HPSE2: variants seen among roughly 807,000 people sequenced by gnomAD.
HPSE2 encodes inactive heparanase-2.
HPSE2 carries 38 observed loss-of-function variants against 60.5 expected under a neutral mutation model. That is an observed-to-expected ratio of 0.63 (90% confidence interval 0.48 to 0.82). The LOEUF (loss-of-function observed/expected upper bound fraction) is 0.82, where lower values mean the gene tolerates loss of function less well. HPSE2 is among the 40% of genes least tolerant of loss of function. The pLI, the probability that HPSE2 is intolerant of heterozygous loss-of-function variation, is 0.00. For missense variants in HPSE2, 713 were observed against 740.4 expected, an observed-to-expected ratio of 0.96 and a Z score of 0.43; for synonymous variants, 295 against 293.2, an observed-to-expected ratio of 1.01 and a Z score of -0.06.
At chr10:98,683,785 C>T (rs1947844340) in intron 6 of HPSE2, among the ~76,000 whole-genome samples, 1 of 151,754 alleles carries the variant, frequency 6.6e-6, no homozygotes. Flanking sequence ...TGAAAATTTC[C>T]CTAAACTGAA....
At chr10:98,569,564 TTC>T (rs201763047) in intron 9 of HPSE2, among the ~76,000 whole-genome samples, 1,621 of 152,084 alleles carry the variant, frequency 0.011, 13 homozygotes, top group Non-Finnish European at 0.016. Context: ...CTCATTCTCA[TTC>T]TCTCTCCTCC....
intron 3 of HPSE2, among the ~76,000 whole-genome samples, chr10:98,999,164 T>C (rs1956718672): frequency 1.3e-5 from 2 of 150,408 alleles, no homozygotes; most frequent in South Asian, 2.1e-4. Flanking sequence ...TACGTGTGTG[T>C]GTGTGTGTGT....
In HPSE2 at chr10:98,687,709, T is replaced by C. The variant is rs565890685; in HGVS notation, c.1004+6191A>G. Among the ~76,000 whole-genome samples the C allele has an allele frequency of 2.1e-4, 32 of 152,318 alleles. No homozygotes were observed. In the South Asian group the frequency reaches 6.6e-3, roughly 32 times the overall value. Reference sequence around the variant, plus strand: ...CCTTGTATTGCTATGAATAATCTCCTTTTCTCTGGTAATCCTCCTTTTTTT... The same window carrying C: ...CCTTGTATTGCTATGAATAATCTCCCTTTCTCTGGTAATCCTCCTTTTTTT... On this transcript the variant is annotated intron_variant, in intron 6 of 11. Coordinates refer to ENST00000370552, the MANE Select transcript of HPSE2 (RefSeq NM_021828.5).
the HPSE2 span, among the ~76,000 whole-genome samples, chr10:99,315,546 C>T: frequency 6.6e-5 from 10 of 152,000 alleles, no homozygotes; most frequent in African/African-American, 1.9e-4. Context: ...AAGGAGGAGA[C>T]GGACAGGTAG....
At chr10:98,529,126 T>C (rs1323277686) in intron 9 of HPSE2, among the ~76,000 whole-genome samples, 2 of 152,244 alleles carry the variant, frequency 1.3e-5, no homozygotes, top group African/African-American at 4.8e-5. Context: ...CACTCAGTGA[T>C]AGCCTCACAC....
At chr10:99,018,508 C>T (rs78287224) in intron 3 of HPSE2, among the ~76,000 whole-genome samples, 15,700 of 152,206 alleles carry the variant, frequency 0.1, 875 homozygotes, top group South Asian at 0.19. Flanking sequence ...AAATATGGTT[C>T]TATCCAGCAT....
At chr10:99,259,377 C>G in the HPSE2 span, among the ~76,000 whole-genome samples, 1 of 149,146 alleles carries the variant, frequency 6.7e-6, no homozygotes, top group Non-Finnish European at 1.5e-5. Context: ...AAAATATTTG[C>G]AAAGCACATA....
At chr10:98,585,718 G>A (rs908638027) in intron 9 of HPSE2, among the ~76,000 whole-genome samples, 7 of 151,794 alleles carry the variant, frequency 4.6e-5, no homozygotes, top group Non-Finnish European at 7.4e-5. Context: ...TTGGGAGGCC[G>A]AGGTGGGTGG....
At chr10:98,806,103 T>C (rs926947386) in intron 3 of HPSE2, among the ~76,000 whole-genome samples, 9 of 152,132 alleles carry the variant, frequency 5.9e-5, no homozygotes, top group East Asian at 5.8e-4. Context: ...CCTTAAGATA[T>C]AGTATGCAAA....
At chr10:99,063,782 T>C (rs1347561358) in intron 3 of HPSE2, among the ~76,000 whole-genome samples, 1 of 152,202 alleles carries the variant, frequency 6.6e-6, no homozygotes, top group East Asian at 1.9e-4. Flanking sequence ...TAAATATATG[T>C]TCATATGTGC....
At chr10:98,558,287 G>A (rs567841387) in intron 9 of HPSE2, among the ~76,000 whole-genome samples, 4 of 152,238 alleles carry the variant, frequency 2.6e-5, no homozygotes, top group Admixed American at 6.5e-5. Context: ...AGAAATGTAC[G>A]TATATGTTTA....
rs191681779 is a variant in HPSE2, at chr10:98,756,179, T to G, written c.611-12123A>C. On this transcript the variant is annotated intron_variant, in intron 3 of 11. Coordinates refer to ENST00000370552, the MANE Select transcript of HPSE2 (RefSeq NM_021828.5). ...ATCTCGGACACAGTTAAAGCAGTGT[T>G]AAAAAGAAAGTTTATAGCACTAAAC... Among the ~76,000 whole-genome samples, 159 of 152,032 alleles carry G rather than the reference T, an allele frequency of 1.0e-3. 3 individuals are homozygous for G. The highest frequency in any genetic ancestry group is 3.5e-3 in the African/African-American group (147 of 41,466).
intron 3 of HPSE2, among the ~76,000 whole-genome samples, chr10:99,098,540 T>G (rs142748970): frequency 1.2e-4 from 18 of 152,348 alleles, no homozygotes; most frequent in Admixed American, 1.1e-3. Flanking sequence ...AAACCCTAGA[T>G]GAGTACTTCT....
intron 3 of HPSE2, among the ~76,000 whole-genome samples, chr10:98,952,661 A>C (rs186713671): frequency 6.6e-6 from 1 of 152,228 alleles, no homozygotes; most frequent in Admixed American, 6.5e-5. Flanking sequence ...TAAACAACAG[A>C]AATTATTTTC....
intron 3 of HPSE2, among the ~76,000 whole-genome samples, chr10:98,987,266 A>C (rs1240461539): frequency 1.3e-5 from 2 of 152,222 alleles, no homozygotes; most frequent in Non-Finnish European, 2.9e-5. Flanking sequence ...TGGCAAACCA[A>C]ATCCAGCAGC....
chr10:98,955,694 A>G (rs112107105), intron 3 of HPSE2, among the ~76,000 whole-genome samples: 14,523 of 152,240 alleles, frequency 0.095, 838 homozygotes, highest in South Asian at 0.21. Context: ...TAGCAAAGAC[A>G]TCGAATCAAC....
intron 10 of HPSE2, among the ~76,000 whole-genome samples, chr10:98,486,378 T>A (rs1941442044): frequency 6.6e-6 from 1 of 152,172 alleles, no homozygotes. Context: ...AATGTTCCTT[T>A]CAGGAGAGAA....
At chr10:98,596,337 GT>G (rs71488860) in intron 9 of HPSE2, among the ~76,000 whole-genome samples, 4 of 40,648 alleles carry the variant, frequency 9.8e-5, no homozygotes, top group Non-Finnish European at 1.9e-4. Context: ...ATTTTTAGTA[GT>G]TTTTTAATCT....
chr10:98,552,768 C>A (rs1232074178), intron 9 of HPSE2, among the ~76,000 whole-genome samples: 1 of 151,994 alleles, frequency 6.6e-6, no homozygotes, highest in African/African-American at 2.4e-5. Flanking sequence ...GTGTGTCTTT[C>A]AGTTGACAGC....
Sources: allele counts gnomAD v4.1 joint callset (sites outside exome capture counted in the v4.1 genomes callset), GRCh38; gene constraint gnomAD v4.1.1; transcripts MANE v1.5; gene names NCBI Gene and HGNC (gene_info 2026-07-23, HGNC 2026-07-21).